Variants in RRAS2 observed in about 807,000 individuals in gnomAD.
RRAS2 encodes RAS related 2, also known as ras-related protein R-Ras2.
RRAS2 carries 7 observed loss-of-function variants against 27.6 expected under a neutral mutation model. The ratio of observed to expected loss-of-function variants is 0.25; its 90% confidence interval spans 0.14 to 0.48. The LOEUF (loss-of-function observed/expected upper bound fraction) is 0.48. Ranked by LOEUF, RRAS2 falls within the 20% of genes least tolerant of loss-of-function variation. The pLI is 0.99. For missense variants in RRAS2, 178 were observed against 256.2 expected (o/e 0.69, Z 2.08); for synonymous variants, 86 against 90.9 (o/e 0.95, Z 0.31).
Position 14,359,078 on chromosome 11 carries a change from G to A in RRAS2, c.-208C>T, listed in dbSNP as rs2134049172. On this transcript the variant is annotated 5_prime_UTR_variant, in exon 1 of 6. Transcript: ENST00000256196. ...ACCGCCCGAGGCGCGGAGAAGCGGG[G>A]TGACGGCACGGGCCAGGGGCGGCAG... 1 of 1,091,534 alleles carries A rather than the reference G, an allele frequency of 9.2e-7. No homozygotes were observed. Among genetic ancestry groups the A allele is most frequent in the South Asian group, 4.5e-5 (1 of 22,236 alleles). The allele number at this position is 1,091,534 out of a possible 1,614,324, so 67.6% of individuals were successfully genotyped here. A position where few individuals can be genotyped will look rare whatever the true frequency, so the allele number is the denominator to read the frequency against.
Position 14,281,663 on chromosome 11 carries a change from C to A in RRAS2, c.466G>T (p.Ala156Ser), listed in dbSNP as rs782694684. 1 of 1,594,158 alleles carries A rather than the reference C, an allele frequency of 6.3e-7. No homozygotes were observed. The highest frequency in any genetic ancestry group is 1.2e-5 in the South Asian group (1 of 85,844). The change falls in exon 5 of 6, where the codon GCA (alanine) becomes TCA (serine). Residue 156 changes from alanine to serine, a missense_variant. Transcript: ENST00000256196. ...ACATTCATCCTAATCTTTGCTGATGCCTCCATGTATGTTACCTTAAGCTGC... is the reference window on the plus strand; with the variant it reads ...ACATTCATCCTAATCTTTGCTGATGACTCCATGTATGTTACCTTAAGCTGC... ...ARQLKVTYME[A>S]SAKIRMNVDQ...
rs1554951284 is a variant in RRAS2 at position 14,328,039 on chromosome 11, T to C, written c.108+30724A>G. On this transcript the variant is annotated intron_variant, in intron 1 of 5. Transcript: ENST00000256196. ...TTTCTAAAAATAAAATCTACCACTG[T>C]AGTGCTTACAAAGTACATAAGGCTA... Among the ~76,000 whole-genome samples the C allele has an allele frequency of 2.6e-5, 4 of 152,286 alleles. No homozygotes were observed. The Middle Eastern group carries it at 0.01, about 388-fold the overall frequency.
chr11:14,345,420 T>C (rs183616987), intron 1 of RRAS2, among the ~76,000 whole-genome samples: 4 of 152,150 alleles, frequency 2.6e-5, no homozygotes, highest in African/African-American at 9.7e-5. Context: ...CTAAGAGACA[T>C]AGATACAGAC....
chr11:14,363,836 C>T (rs370165306), upstream of RRAS2, among the ~76,000 whole-genome samples: 32 of 151,712 alleles, frequency 2.1e-4, no homozygotes, highest in African/African-American at 6.3e-4. Context: ...TTTGGGAGGC[C>T]GAGGCAGGTG....
chr11:14,360,535 G>A (rs908112262), upstream of RRAS2, among the ~76,000 whole-genome samples: 20 of 151,958 alleles, frequency 1.3e-4, no homozygotes, highest in Non-Finnish European at 4.4e-5. Flanking sequence ...CTAGCAGCTG[G>A]GACTACAGGC....
intron 5 of RRAS2, among the ~76,000 whole-genome samples, chr11:14,281,218 C>T (rs1170300824): frequency 2.0e-5 from 3 of 152,180 alleles, no homozygotes; most frequent in African/African-American, 7.2e-5. Context: ...TCTGTACCCC[C>T]ATTTTCTCCT....
intron 1 of RRAS2, among the ~76,000 whole-genome samples, chr11:14,319,648 G>A (rs545706711): frequency 3.9e-5 from 6 of 151,900 alleles, no homozygotes; most frequent in South Asian, 2.1e-4. Context: ...GTGAGCCACC[G>A]CGCCCGGCCG....
At chr11:14,280,444 G>A (rs1437762728) in intron 5 of RRAS2, among the ~76,000 whole-genome samples, 4 of 151,820 alleles carry the variant, frequency 2.6e-5, no homozygotes, top group African/African-American at 9.7e-5. Context: ...AAATAAATAC[G>A]CAGCCCAGGT....
chr11:14,298,164 T>A (rs1347138573), intron 1 of RRAS2, among the ~76,000 whole-genome samples: 1 of 152,226 alleles, frequency 6.6e-6, no homozygotes, highest in Non-Finnish European at 1.5e-5. Context: ...TGCGCTGTAC[T>A]TTTTAAGATT....
At chr11:14,322,602 A>T (rs1848251291) in intron 1 of RRAS2, among the ~76,000 whole-genome samples, 1 of 152,176 alleles carries the variant, frequency 6.6e-6, no homozygotes, top group Non-Finnish European at 1.5e-5. Flanking sequence ...ACCTAAGAAA[A>T]CCTTAATCAT....
At chr11:14,357,299 A>C (rs1591494590) in intron 1 of RRAS2, among the ~76,000 whole-genome samples, 1 of 150,168 alleles carries the variant, frequency 6.7e-6, no homozygotes. Flanking sequence ...TTATCCCCTC[A>C]CCCCCACCCT....
At chr11:14,338,958 C>T (rs191368246) in intron 1 of RRAS2, among the ~76,000 whole-genome samples, 5 of 152,122 alleles carry the variant, frequency 3.3e-5, no homozygotes, top group South Asian at 2.1e-4. Context: ...TTCTGTACTA[C>T]GCCCAAAAGA....
intron 1 of RRAS2, among the ~76,000 whole-genome samples, chr11:14,334,482 T>C (rs990067880): frequency 1.1e-4 from 16 of 152,012 alleles, no homozygotes; most frequent in Non-Finnish European, 1.6e-4. Context: ...CCATGTAACC[T>C]ATTCAATTAC....
intron 1 of RRAS2, among the ~76,000 whole-genome samples, chr11:14,303,127 T>C (rs1258097111): frequency 6.6e-6 from 1 of 152,220 alleles, no homozygotes; most frequent in Non-Finnish European, 1.5e-5. Flanking sequence ...AATCTCAATA[T>C]TCTCTTACCC....
At chr11:14,360,693 G>A (rs1418868434), upstream of RRAS2, among the ~76,000 whole-genome samples, 3 of 152,130 alleles carry the variant, frequency 2.0e-5, no homozygotes, top group Non-Finnish European at 2.9e-5. Flanking sequence ...AGGCCAAGGC[G>A]GGCGGATCGC....
intron 1 of RRAS2, among the ~76,000 whole-genome samples, chr11:14,327,647 T>G (rs1406784326): frequency 6.6e-6 from 1 of 152,246 alleles, no homozygotes; most frequent in Non-Finnish European, 1.5e-5. Context: ...TACCAGAATT[T>G]TAATAAAAAT....
Position 14,294,881 on chromosome 11 carries a change from A to G in RRAS2, c.197-19T>C. Reference sequence around the variant, plus strand: ...TCCAAAACTAAAGAAAAAACAACAAATGTAATTATACTTGTTTTTTATAAA... The same window carrying G: ...TCCAAAACTAAAGAAAAAACAACAAGTGTAATTATACTTGTTTTTTATAAA... On this transcript the variant is annotated intron_variant, in intron 2 of 5. Transcript: ENST00000256196. 1 of 1,597,110 alleles carries G rather than the reference A, an allele frequency of 6.3e-7. No homozygotes were observed. Among genetic ancestry groups the G allele is most frequent in the Non-Finnish European group, 8.6e-7 (1 of 1,165,038 alleles).
chr11:14,302,365 A>G (rs1554947547), intron 1 of RRAS2, among the ~76,000 whole-genome samples: 1 of 152,230 alleles, frequency 6.6e-6, no homozygotes, highest in Non-Finnish European at 1.5e-5. Context: ...TCCTATTAAT[A>G]GATGCATTTA....
At chr11:14,344,316 C>T (rs993612106) in intron 1 of RRAS2, among the ~76,000 whole-genome samples, 16 of 152,150 alleles carry the variant, frequency 1.1e-4, no homozygotes, top group African/African-American at 3.6e-4. Flanking sequence ...CACATTTCCA[C>T]TTTTTTATTC....
Sources: gnomAD v4.1 joint callset for allele counts (sites outside exome capture counted in the v4.1 genomes callset) on GRCh38, gnomAD v4.1.1 for gene constraint, MANE v1.5 for transcripts, NCBI Gene and HGNC (gene_info 2026-07-23, HGNC 2026-07-21) for gene names.